SIPA1L1: variants seen among roughly 807,000 people sequenced by gnomAD.
SIPA1L1 encodes the protein signal-induced proliferation-associated 1-like protein 1.
Under a neutral mutation model 162.7 loss-of-function variants are expected in SIPA1L1, and 26 were observed. That is an observed-to-expected ratio of 0.16 (90% CI 0.12 to 0.22). The LOEUF (loss-of-function observed/expected upper bound fraction) is 0.22, where lower values mean the gene tolerates loss of function less well. Ranked by LOEUF, SIPA1L1 falls within the 10% of genes least tolerant of loss-of-function variation. The pLI, the probability that SIPA1L1 is intolerant of heterozygous loss-of-function variation, is 1.00. For synonymous variants in SIPA1L1, 829 were observed against 837.4 expected (o/e 0.99, Z 0.17); for missense variants, 1,874 against 2,241.0 (o/e 0.84, Z 3.31).
chr14:71,463,256 A>G (rs1293659629), intron 2 of SIPA1L1, among the ~76,000 whole-genome samples: 1 of 152,116 alleles, frequency 6.6e-6, no homozygotes, highest in Non-Finnish European at 1.5e-5. Context: ...CCCTCACCCT[A>G]CCAGTCAGGG....
At chr14:71,426,486 CTTTTTTT>C (rs370856446) in intron 2 of SIPA1L1, among the ~76,000 whole-genome samples, 2 of 132,038 alleles carry the variant, frequency 1.5e-5, no homozygotes, top group African/African-American at 5.6e-5. Context: ...GAATTTCTTT[CTTTTTTT>C]TTTTTTTTTC....
chr14:71,607,300 G>A (rs555209565), intron 5 of SIPA1L1, among the ~76,000 whole-genome samples: 1 of 151,400 alleles, frequency 6.6e-6, no homozygotes, highest in African/African-American at 2.4e-5. Context: ...ATGGTGTGGT[G>A]ACTATTAGTG....
chr14:71,671,678 G>A lies in SIPA1L1; in HGVS notation c.2815G>A (p.Val939Ile). The stretch of plus-strand genomic sequence containing the variant: ...TAACATTGAGGAGATCAAAGAGATT[G>A]TCAAAAGGTTGCAGGTGAGTCTCTC... ...FINIEEIKEI[V>I]KRLQFVSKGC... The change falls in exon 11 of 24, where the codon GTC (valine) becomes ATC (isoleucine). Residue 939 changes from valine to isoleucine, a missense_variant. Physicochemically the swap from Val to Ile is conservative, Grantham distance 29 (BLOSUM62 3). Coordinates refer to ENST00000381232, the MANE Select transcript of SIPA1L1 (RefSeq NM_001386936.1). 6.3e-7 allele frequency: 1 copy of A among 1,596,672 alleles called. No homozygotes were observed. The highest frequency in any genetic ancestry group is 1.1e-5 in the South Asian group (1 of 87,870).
chr14:71,531,000 A>G (rs1041534900), intron 4 of SIPA1L1, among the ~76,000 whole-genome samples: 5 of 152,174 alleles, frequency 3.3e-5, no homozygotes, highest in East Asian at 1.9e-4. Context: ...TAGGTTTTGA[A>G]TGGTCAATGA....
chr14:71,594,793 C>G (rs1266787937), intron 5 of SIPA1L1, among the ~76,000 whole-genome samples: 3 of 152,030 alleles, frequency 2.0e-5, no homozygotes, highest in African/African-American at 7.2e-5. Context: ...CTATGTAATT[C>G]ATTCGAAGGT....
rs556592251 is a variant in SIPA1L1 at position 71,486,577 on chromosome 14, G to A, written c.-464-26166G>A. On this transcript the variant is annotated intron_variant, in intron 2 of 23. Coordinates refer to ENST00000381232, the MANE Select transcript of SIPA1L1 (RefSeq NM_001386936.1). The stretch of plus-strand genomic sequence containing the variant: ...ATGATACTTCTATCGCTAAAGAAGG[G>A]GAGCGGAGTGGAAACTGAGTTTGAA... Among the ~76,000 whole-genome samples the A allele has an allele frequency of 2.0e-3, 308 of 152,344 alleles. 1 individual carries two copies. The highest frequency in any genetic ancestry group is 3.9e-3 in the Non-Finnish European group (263 of 68,036).
chr14:71,709,730 C>T (rs1473481064), intron 17 of SIPA1L1, 66 bp downstream of exon 17: 1 of 1,396,770 alleles, frequency 7.2e-7, no homozygotes, highest in African/African-American at 1.4e-5. Flanking sequence ...GGCCTCAGCC[C>T]ACTTTACTTT....
At chr14:71,336,757 C>T (rs748510349) in intron 2 of SIPA1L1, among the ~76,000 whole-genome samples, 15 of 152,176 alleles carry the variant, frequency 9.9e-5, no homozygotes, top group African/African-American at 1.9e-4. Flanking sequence ...ATTGTTTTAC[C>T]GCACCTTTCC....
rs1425249258 is a variant in SIPA1L1, at chr14:71,463,454, T to C, written c.-464-49289T>C. Reference sequence around the variant, plus strand: ...TTTAACTGGAGGACTACAGTGACGTTTTGGGTCCCCTGGAATCAGCATCAG... The same window carrying C: ...TTTAACTGGAGGACTACAGTGACGTCTTGGGTCCCCTGGAATCAGCATCAG... On this transcript the variant is annotated intron_variant, in intron 2 of 23. Coordinates refer to ENST00000381232, the MANE Select transcript of SIPA1L1 (RefSeq NM_001386936.1). Among the ~76,000 whole-genome samples the C allele has an allele frequency of 2.0e-5, 3 of 152,172 alleles. No individual in the cohort carries two copies. In the East Asian group the frequency reaches 5.8e-4, roughly 29 times the overall value.
chr14:71,449,722 G>C (rs2141483133), intron 2 of SIPA1L1, among the ~76,000 whole-genome samples: 1 of 152,278 alleles, frequency 6.6e-6, no homozygotes, highest in African/African-American at 2.4e-5. Context: ...GAGGTGAGGT[G>C]GGGGGACTGT....
intron 4 of SIPA1L1, among the ~76,000 whole-genome samples, chr14:71,537,274 C>A (rs905258023): frequency 6.6e-6 from 1 of 152,180 alleles, no homozygotes; most frequent in Non-Finnish European, 1.5e-5. Context: ...GATCTTGGCT[C>A]ACTGCAACCT....
At position 71,666,043 on chromosome 14, in the gene SIPA1L1, T is replaced by C. The variant is rs914913415; in HGVS notation, c.2255+4576T>C. 1.4e-4 allele frequency among the ~76,000 whole-genome samples: 22 copies of C among 152,306 alleles called. 1 individual carries two copies. Among genetic ancestry groups the C allele is most frequent in the Admixed American group, 9.8e-4 (15 of 15,290 alleles). ...TTCACTGTGGAAACACAGTGTAAGA[T>C]AATACCATTTTTCAACAACTACAGA... On this transcript the variant is annotated intron_variant, in intron 10 of 23. Coordinates refer to ENST00000381232, the MANE Select transcript of SIPA1L1 (RefSeq NM_001386936.1).
chr14:71,708,015 G>GTTTTTTTTTTTTGT (rs2082584782), intron 16 of SIPA1L1, among the ~76,000 whole-genome samples: 2 of 100,284 alleles, frequency 2.0e-5, no homozygotes, highest in African/African-American at 3.9e-5. Context: ...GTTTTTTGGT[G>GTTTTTTTTTTTTGT]TTTTTTTTTT....
At chr14:71,689,704 C>T (rs1372348258) in intron 13 of SIPA1L1, among the ~76,000 whole-genome samples, 2 of 152,106 alleles carry the variant, frequency 1.3e-5, no homozygotes, top group Non-Finnish European at 2.9e-5. Context: ...TGTTAGAGCT[C>T]ACTGAACACT....
chr14:71,690,694 A>C (rs924968353), intron 13 of SIPA1L1, among the ~76,000 whole-genome samples: 1 of 151,938 alleles, frequency 6.6e-6, no homozygotes, highest in Admixed American at 6.6e-5. Flanking sequence ...CTTTGCGCCT[A>C]TCTCATCACC....
intron 2 of SIPA1L1, among the ~76,000 whole-genome samples, chr14:71,429,270 C>G (rs2043809159): frequency 6.6e-6 from 1 of 152,102 alleles, no homozygotes; most frequent in African/African-American, 2.4e-5. Context: ...TTCCCTCGTC[C>G]TGGTTCTCTG....
intron 2 of SIPA1L1, among the ~76,000 whole-genome samples, chr14:71,363,830 C>G (rs2038028708): frequency 6.6e-6 from 1 of 152,302 alleles, no homozygotes; most frequent in Non-Finnish European, 1.5e-5. Flanking sequence ...TAACAAGGTA[C>G]AGATGATGTG....
At chr14:71,384,523 A>G (rs538373730) in intron 2 of SIPA1L1, among the ~76,000 whole-genome samples, 6 of 152,336 alleles carry the variant, frequency 3.9e-5, no homozygotes, top group South Asian at 2.1e-4. Context: ...GCTACACCCA[A>G]TAGAGCCTTT....
At position 71,685,443 on chromosome 14, in the gene SIPA1L1, C is replaced by A. The variant is rs912047039; in HGVS notation, c.3186C>A (p.Phe1062Leu). 5 of 1,614,176 alleles carry A rather than the reference C, an allele frequency of 3.1e-6. No individual in the cohort carries two copies. The highest frequency in any genetic ancestry group is 2.5e-6 in the Non-Finnish European group (3 of 1,180,050). ...TTTCATACGAATTCAAGTTTCCCTT[C>A]CGAAATAATAACAAGTGGCAGAGGA... ...EGVSYEFKFP[F>L]RNNNKWQRNA... Residue 1062 changes from phenylalanine to leucine, a missense_variant, in exon 13 of 24, where the codon TTC (phenylalanine) becomes TTA (leucine). By Grantham distance (22) the Phe-to-Leu change is conservative. Transcript: ENST00000381232.
Sources: gnomAD v4.1 joint callset for allele counts (sites outside exome capture counted in the v4.1 genomes callset) on GRCh38, gnomAD v4.1.1 for gene constraint, MANE v1.5 for transcripts, NCBI Gene and HGNC (gene_info 2026-07-23, HGNC 2026-07-21) for gene names.